The following CHSY1 variants were observed in gnomAD, a reference collection of about 807,000 sequenced individuals.
The protein encoded by CHSY1 is N-acetylgalactosaminyl-proteoglycan 3-beta-glucuronosyltransferase 1.
CHSY1 carries 13 observed loss-of-function variants against 59.8 expected under a neutral mutation model. The observed-to-expected ratio is 0.22, with a 90% confidence interval of 0.14 to 0.35. The LOEUF (loss-of-function observed/expected upper bound fraction) is 0.35, where lower values mean the gene tolerates loss of function less well. Among genes scored for constraint, CHSY1 ranks in the 10% least tolerant of loss-of-function variants. The pLI, the probability that CHSY1 is intolerant of heterozygous loss-of-function variation, is 1.00. For synonymous variants in CHSY1, 459 were observed against 401.2 expected (o/e 1.14, Z -1.72); for missense variants, 947 against 1,030.6 (o/e 0.92, Z 1.11).
chr15:101,178,597 G>A lies in CHSY1; in HGVS notation c.1200C>T (p.Ala400=). The change falls in exon 3 of 3, where the codon GCC becomes GCT. Residue 400 remains alanine, a synonymous_variant. Coordinates refer to ENST00000254190, the MANE Select transcript of CHSY1 (RefSeq NM_014918.5). ...GQPPRRGMDS[A]QREALDDIVM... is the part of the protein sequence containing the mutation. ...CAATGTCGTCCAAGGCTTCCCTCTG[G>A]GCGGAGTCCATTCCTCTTCGAGGGG... The A allele has an allele frequency of 6.2e-7, 1 of 1,614,184 alleles. No individual in the cohort carries two copies. The highest frequency in any genetic ancestry group is 8.5e-7 in the Non-Finnish European group (1 of 1,180,038).
chr15:101,217,112 G>T (rs915065812), intron 2 of CHSY1, among the ~76,000 whole-genome samples: 15 of 152,308 alleles, frequency 9.8e-5, no homozygotes, highest in Admixed American at 3.9e-4. Context: ...TTCCCAAAGA[G>T]ATATATGTTA....
At position 101,219,041 on chromosome 15, in the gene CHSY1, A is replaced by G. The variant is rs145414547; in HGVS notation, c.816+16041T>C. On this transcript the variant is annotated intron_variant, in intron 2 of 2. Transcript: ENST00000254190. ...CTGCCTGGATTAAAACTCTGAATCT[A>G]TCTCTCTACAAGCAGTACAACCTCG... Among the ~76,000 whole-genome samples the G allele has an allele frequency of 9.5e-4, 144 of 152,302 alleles. 1 individual carries two copies. The highest frequency in any genetic ancestry group is 3.2e-3 in the African/African-American group (131 of 41,582).
At position 101,251,776 on chromosome 15, in the gene CHSY1, A is replaced by ACGACGG. The variant is rs1271081672; in HGVS notation, c.-326_-321dup. ...TCGCGCGCGGGGACGCGGGGCCGGC[A>ACGACGG]CGACGGCGACGACGGCGGCGGCAGA... On this transcript the variant is annotated 5_prime_UTR_variant, in exon 1 of 3. Coordinates refer to ENST00000254190, the MANE Select transcript of CHSY1 (RefSeq NM_014918.5). 2.7e-5 allele frequency: 4 copies of ACGACGG among 149,146 alleles called. No individual in the cohort carries two copies. The highest frequency in any genetic ancestry group is 4.9e-5 in the African/African-American group (2 of 40,924). The allele number at this position is 149,146 out of a possible 1,614,324, so 9.2% of individuals were successfully genotyped here.
intron 2 of CHSY1, among the ~76,000 whole-genome samples, chr15:101,234,219 A>G (rs1433075573): frequency 2.0e-5 from 3 of 152,264 alleles, no homozygotes; most frequent in African/African-American, 7.2e-5. Flanking sequence ...CTATTCTGAA[A>G]GCAACAACTA....
At chr15:101,227,146 C>G (rs1463141877) in intron 2 of CHSY1, among the ~76,000 whole-genome samples, 2 of 152,130 alleles carry the variant, frequency 1.3e-5, no homozygotes, top group South Asian at 2.1e-4. Context: ...TTAATTTGCC[C>G]TATTTCCAGT....
intron 1 of CHSY1, among the ~76,000 whole-genome samples, chr15:101,240,446 T>C (rs113334533): frequency 6.6e-6 from 1 of 152,234 alleles, no homozygotes; most frequent in Non-Finnish European, 1.5e-5. Flanking sequence ...CAAAGAACTC[T>C]CACTTAATTG....
chr15:101,213,161 A>G (rs181782149), intron 2 of CHSY1, among the ~76,000 whole-genome samples: 5 of 152,222 alleles, frequency 3.3e-5, no homozygotes, highest in Admixed American at 1.3e-4. Context: ...AAGGGCAACC[A>G]TGAATATAAA....
intron 2 of CHSY1, among the ~76,000 whole-genome samples, chr15:101,189,270 C>T (rs1020726107): frequency 2.0e-5 from 3 of 152,246 alleles, no homozygotes; most frequent in South Asian, 2.1e-4. Flanking sequence ...CCTCCACGCC[C>T]GTGCTCTCTC....
chr15:101,216,550 A>G (rs2038735011), intron 2 of CHSY1, among the ~76,000 whole-genome samples: 1 of 152,262 alleles, frequency 6.6e-6, no homozygotes, highest in African/African-American at 2.4e-5. Flanking sequence ...TGATTAAAAG[A>G]GAAGTGAGCC....
chr15:101,207,341 T>A (rs1314123346), intron 2 of CHSY1, among the ~76,000 whole-genome samples: 1 of 152,268 alleles, frequency 6.6e-6, no homozygotes, highest in Non-Finnish European at 1.5e-5. Flanking sequence ...CGTCACCAAG[T>A]CTTCACTTCG....
chr15:101,182,532 T>G (rs1258696475), intron 2 of CHSY1, among the ~76,000 whole-genome samples: 1 of 152,230 alleles, frequency 6.6e-6, no homozygotes, highest in Non-Finnish European at 1.5e-5. Flanking sequence ...CTCTGAAGTT[T>G]AGTTTTTCCA....
intron 2 of CHSY1, among the ~76,000 whole-genome samples, chr15:101,208,643 G>A (rs1227319781): frequency 6.6e-6 from 1 of 151,514 alleles, no homozygotes; most frequent in African/African-American, 2.4e-5. Flanking sequence ...AACCCAGGAG[G>A]CGGAGGTTGC....
At chr15:101,185,938 C>G (rs924293013) in intron 2 of CHSY1, among the ~76,000 whole-genome samples, 3 of 151,760 alleles carry the variant, frequency 2.0e-5, no homozygotes, top group Non-Finnish European at 4.4e-5. Context: ...TTATGGGCTA[C>G]GTCACTGCTC....
At chr15:101,225,212 C>T (rs1330410353) in intron 2 of CHSY1, among the ~76,000 whole-genome samples, 3 of 151,862 alleles carry the variant, frequency 2.0e-5, no homozygotes, top group Non-Finnish European at 4.4e-5. Flanking sequence ...GGACCACAGG[C>T]GTGCAACAAA....
chr15:101,209,637 G>C (rs749706826), intron 2 of CHSY1, among the ~76,000 whole-genome samples: 18 of 152,114 alleles, frequency 1.2e-4, no homozygotes, highest in Non-Finnish European at 2.5e-4. Context: ...GCAACAATAA[G>C]AAATGTTTGC....
chr15:101,221,747 C>T (rs1012893010), intron 2 of CHSY1, among the ~76,000 whole-genome samples: 2 of 152,052 alleles, frequency 1.3e-5, no homozygotes, highest in African/African-American at 4.8e-5. Context: ...TTCCAGGAGA[C>T]GGCACAGACA....
At chr15:101,213,631 T>C (rs1380586657) in intron 2 of CHSY1, among the ~76,000 whole-genome samples, 1 of 152,180 alleles carries the variant, frequency 6.6e-6, no homozygotes, top group East Asian at 1.9e-4. Context: ...ATAGCTGACA[T>C]AGAGACCCAA....
At chr15:101,190,415 C>G (rs2038428823) in intron 2 of CHSY1, among the ~76,000 whole-genome samples, 1 of 152,210 alleles carries the variant, frequency 6.6e-6, no homozygotes, top group Admixed American at 6.5e-5. Flanking sequence ...GGGGCTGGAA[C>G]AACTGGACAT....
intron 2 of CHSY1, among the ~76,000 whole-genome samples, chr15:101,217,925 C>T (rs1479620392): frequency 6.6e-6 from 1 of 152,150 alleles, no homozygotes; most frequent in Non-Finnish European, 1.5e-5. Context: ...AGTGAAGAAA[C>T]CTGACAGACA....
Sources: gnomAD v4.1 joint callset for allele counts (sites outside exome capture counted in the v4.1 genomes callset) on GRCh38, gnomAD v4.1.1 for gene constraint, MANE v1.5 for transcripts, NCBI Gene and HGNC (gene_info 2026-07-23, HGNC 2026-07-21) for gene names.